The following FAM153A variants were observed in gnomAD, a reference collection of about 807,000 sequenced individuals.
FAM153A encodes the protein protein FAM153A.
Under a neutral mutation model 48.1 loss-of-function variants are expected in FAM153A, and 12 were observed. The ratio of observed to expected loss-of-function variants is 0.25; its 90% CI spans 0.16 to 0.40. The LOEUF is 0.40. Among genes scored for constraint, FAM153A ranks in the 10% least tolerant of loss-of-function variants. FAM153A has a pLI of 1.00. For synonymous variants in FAM153A, 36 were observed against 118.2 expected, an observed-to-expected ratio of 0.30 and a Z score of 4.51; for missense variants, 111 against 345.8, an observed-to-expected ratio of 0.32 and a Z score of 5.38.
chr5:177,722,272 AG>A (rs891167570), downstream of FAM153A: 1 of 128,344 alleles, frequency 7.8e-6, no homozygotes, highest in African/African-American at 3.1e-5. Context: ...TGGGACTACA[AG>A]AGTGCGCCAC....
At chr5:177,761,030 G>A (rs531949511) in intron 1 of FAM153A, among the ~76,000 whole-genome samples, 14 of 151,904 alleles carry the variant, frequency 9.2e-5, no homozygotes, top group African/African-American at 3.4e-4. Flanking sequence ...GGACTGCAGA[G>A]AAGTCTTATG....
chr5:177,706,041 T>G, downstream of FAM153A, among the ~76,000 whole-genome samples: 1 of 151,902 alleles, frequency 6.6e-6, no homozygotes, highest in Non-Finnish European at 1.5e-5. Flanking sequence ...CGTTAATATG[T>G]CAGTGTTTCC....
rs1030364818 is a variant in FAM153A, at chr5:177,747,488, A to C, written c.259+281T>G. ...GGGAAAAGCACACAAACTCGCAGAG[A>C]CATTCACAATCATTCCACATTGAGT... is the stretch of plus-strand genomic sequence containing the variant. On this transcript the variant is annotated intron_variant, in intron 4 of 20. Coordinates refer to ENST00000614127, the Ensembl canonical transcript of FAM153A. 12 of 422,738 alleles carry C rather than the reference A, an allele frequency of 2.8e-5. 2 individuals carry two copies. The highest frequency in any genetic ancestry group is 2.6e-4 in the African/African-American group (11 of 42,052). 26.2% of individuals were successfully genotyped at this position (422,738 alleles called of 1,614,324 possible). A position where few individuals can be genotyped will look rare whatever the true frequency, so the allele number is the denominator to read the frequency against.
downstream of FAM153A, chr5:177,721,803 G>A (rs1761098892): frequency 7.3e-6 from 1 of 137,350 alleles, no homozygotes; most frequent in Non-Finnish European, 1.6e-5. Context: ...TGAGATTACA[G>A]GTGGTAGCCA....
At chr5:177,704,796 T>G (rs1367117179), downstream of FAM153A, among the ~76,000 whole-genome samples, 1 of 151,526 alleles carries the variant, frequency 6.6e-6, no homozygotes, top group East Asian at 1.9e-4. Flanking sequence ...GCTCCGGAGT[T>G]CGAGACCAGC....
At chr5:177,707,616 T>A (rs1411346753), downstream of FAM153A, among the ~76,000 whole-genome samples, 1 of 149,232 alleles carries the variant, frequency 6.7e-6, no homozygotes, top group Non-Finnish European at 1.5e-5. Context: ...CGTCCCTGAT[T>A]AAATAACTTT....
chr5:177,754,024 G>A (rs966582817), upstream of FAM153A, among the ~76,000 whole-genome samples: 8 of 151,920 alleles, frequency 5.3e-5, no homozygotes, highest in Non-Finnish European at 8.8e-5. Flanking sequence ...AGTGTGAGCC[G>A]AAGCAGGGCA....
chr5:177,778,261 T>TA (rs774084490), intron 1 of FAM153A, among the ~76,000 whole-genome samples: 710 of 19,820 alleles, frequency 0.036, 38 homozygotes, highest in African/African-American at 0.052. Context: ...TAGAGTATAA[T>TA]AAAAAAAAAA....
intron 2 of FAM153A, among the ~76,000 whole-genome samples, chr5:177,749,030 T>G (rs1766462698): frequency 7.3e-6 from 1 of 137,160 alleles, no homozygotes; most frequent in African/African-American, 2.7e-5. Flanking sequence ...TAAATTTCTT[T>G]TGTTGTTGAA....
intron 1 of FAM153A, among the ~76,000 whole-genome samples, chr5:177,761,131 A>G (rs62399963): frequency 0.56 from 80,246 of 144,504 alleles, 22,539 homozygotes; most frequent in Middle Eastern, 0.59. Context: ...TGGCTGGAGA[A>G]CTTACATGAC....
chr5:177,694,809 T>C, the FAM153A span, among the ~76,000 whole-genome samples: 2 of 144,706 alleles, frequency 1.4e-5, no homozygotes, highest in African/African-American at 2.6e-5. Flanking sequence ...TTATAGCTTA[T>C]CTGCTTTTTC....
chr5:177,703,408 T>C (rs1757622495), downstream of FAM153A, among the ~76,000 whole-genome samples: 4 of 151,650 alleles, frequency 2.6e-5, no homozygotes, highest in South Asian at 8.4e-4. Context: ...ATCTTGGAAG[T>C]AACTAACTTG....
chr5:177,728,600 G>T (rs568018723), intron 18 of FAM153A, among the ~76,000 whole-genome samples: 1 of 143,094 alleles, frequency 7.0e-6, no homozygotes, highest in African/African-American at 2.7e-5. Flanking sequence ...ACGGAGTTTC[G>T]CTCGTTGCCC....
At chr5:177,710,490 C>T (rs371307594), downstream of FAM153A, among the ~76,000 whole-genome samples, 33 of 151,824 alleles carry the variant, frequency 2.2e-4, 1 homozygote, top group African/African-American at 8.0e-4. Flanking sequence ...TAATTCTGAG[C>T]AGTGTTTTGT....
chr5:177,704,250 C>A (rs1274368066), downstream of FAM153A, among the ~76,000 whole-genome samples: 1 of 75,956 alleles, frequency 1.3e-5, no homozygotes, highest in Non-Finnish European at 2.5e-5. Flanking sequence ...GGTGATTGGA[C>A]CCTGGAGGCG....
upstream of FAM153A, among the ~76,000 whole-genome samples, chr5:177,757,534 T>G (rs1250889938): frequency 4.0e-5 from 6 of 149,266 alleles, no homozygotes; most frequent in Non-Finnish European, 4.4e-5. Flanking sequence ...AAAAAGAGAC[T>G]TTTAGACCCA....
downstream of FAM153A, among the ~76,000 whole-genome samples, chr5:177,708,700 G>C (rs1214745201): frequency 6.6e-6 from 1 of 151,946 alleles, no homozygotes; most frequent in Admixed American, 6.6e-5. Flanking sequence ...TCTTTTTTTA[G>C]TGTCTTGAAT....
At chr5:177,716,969 G>GTGTGTGTGTA (rs1346497784) in intron 24 of FAM153A, among the ~76,000 whole-genome samples, 1 of 143,124 alleles carries the variant, frequency 7.0e-6, no homozygotes, top group Non-Finnish European at 1.5e-5. Flanking sequence ...CGCTTAGTGT[G>GTGTGTGTGTA]TGTGTGTGTG....
At chr5:177,698,268 C>T in the FAM153A span, among the ~76,000 whole-genome samples, 3 of 151,872 alleles carry the variant, frequency 2.0e-5, no homozygotes, top group African/African-American at 7.3e-5. Context: ...ATCATCATTA[C>T]TTTTATAATC....
Sources: gnomAD v4.1 joint callset for allele counts (sites outside exome capture counted in the v4.1 genomes callset) on GRCh38, gnomAD v4.1.1 for gene constraint, MANE v1.5 for transcripts, NCBI Gene and HGNC (gene_info 2026-07-23, HGNC 2026-07-21) for gene names.